PPWD1: variants seen among roughly 807,000 people sequenced by gnomAD.
PPWD1 encodes peptidylprolyl isomerase domain and WD repeat-containing protein 1.
PPWD1 carries 43 observed loss-of-function variants against 68.8 expected under a neutral mutation model. The observed-to-expected ratio is 0.62, with a 90% confidence interval of 0.49 to 0.81. PPWD1 has a LOEUF of 0.81. Among genes scored for constraint, PPWD1 ranks in the 30% least tolerant of loss-of-function variants. The pLI, the probability that PPWD1 is intolerant of heterozygous loss-of-function variation, is 0.00. For synonymous variants in PPWD1, 232 were observed against 258.7 expected, an observed-to-expected ratio of 0.90 and a Z score of 0.99; for missense variants, 672 against 804.8, an observed-to-expected ratio of 0.83 and a Z score of 2.00.
chr5:65,576,834 G>A (rs1367918440), intron 5 of PPWD1, 45 bp from the exon 6 acceptor site: 3 of 1,581,324 alleles, frequency 1.9e-6, no homozygotes, highest in Non-Finnish European at 2.6e-6. Flanking sequence ...ATAGATATAG[G>A]TATATGTATA....
chr5:65,573,451 C>G (rs1397274037), intron 5 of PPWD1, among the ~76,000 whole-genome samples: 2 of 101,584 alleles, frequency 2.0e-5, no homozygotes, highest in African/African-American at 8.2e-5. Flanking sequence ...TGCCACCACA[C>G]TTAGCTAATA....
intron 9 of PPWD1, among the ~76,000 whole-genome samples, chr5:65,585,354 G>C (rs27139): frequency 1.3e-5 from 2 of 151,888 alleles, no homozygotes; most frequent in African/African-American, 4.8e-5. Flanking sequence ...ATGAATAAAG[G>C]GTCATGCTGA....
intron 7 of PPWD1, chr5:65,582,464 ATAG>A: frequency 6.6e-6 from 1 of 152,200 alleles, no homozygotes; most frequent in East Asian, 1.9e-4. Context: ...GGTCCTGCTC[ATAG>A]TAGTAATAAC....
intron 1 of PPWD1, 178 bp downstream of exon 1, chr5:65,563,684 T>C: frequency 1.5e-6 from 2 of 1,348,740 alleles, no homozygotes; most frequent in African/African-American, 1.5e-5. Flanking sequence ...GATTTAAGCG[T>C]AGTACAACGT....
At chr5:65,578,405 A>G (rs181209608) in intron 6 of PPWD1, among the ~76,000 whole-genome samples, 1 of 152,342 alleles carries the variant, frequency 6.6e-6, no homozygotes. Context: ...GTTTTGTAAC[A>G]GCCAAACTGC....
At chr5:65,563,899 T>G in intron 1 of PPWD1, 4 of 1,419,108 alleles carry the variant, frequency 2.8e-6, no homozygotes, top group Non-Finnish European at 1.9e-6. Flanking sequence ...GTTAATGTAT[T>G]AATGTGTTGG....
chr5:65,573,473 AT>A lies in PPWD1; in HGVS notation c.969+1188del, dbSNP rs1561725641. On this transcript the variant is annotated intron_variant, in intron 5 of 10. Transcript: ENST00000261308. Reference sequence around the variant, plus strand: ...ACACTTAGCTAATATATATATATATATATTTTTTTTTTATTAGAGATGGGTT... The same window carrying A: ...ACACTTAGCTAATATATATATATATAATTTTTTTTTTATTAGAGATGGGTT... Among the ~76,000 whole-genome samples the A allele has an allele frequency of 1.2e-3, 50 of 42,856 alleles. 5 individuals carry two copies. Among genetic ancestry groups the A allele is most frequent in the Non-Finnish European group, 1.7e-3 (37 of 21,394 alleles). The allele number at this position is 42,856 out of a possible 152,430, so 28.1% of individuals were successfully genotyped here.
At chr5:65,571,349 TTTAG>T (rs1325335037) in intron 4 of PPWD1, among the ~76,000 whole-genome samples, 8 of 152,214 alleles carry the variant, frequency 5.3e-5, no homozygotes, top group Non-Finnish European at 8.8e-5. Context: ...AATATCAAGA[TTTAG>T]TTAGTAATGA....
intron 5 of PPWD1, chr5:65,576,290 T>A: frequency 1.0e-6 from 1 of 982,708 alleles, no homozygotes; most frequent in South Asian, 4.7e-5. Context: ...GCAGCAGATG[T>A]ATTCTGTAGA....
In PPWD1 at chr5:65,563,513, G is replaced by T; in HGVS notation, c.196+7G>T. ...CTGGCCAAGAAGAGGAAAGGTAGCT[G>T]CAGACATAGTACCGGGACGAATTGG... On this transcript the variant is annotated splice_region_variant and intron_variant, in intron 1 of 10. Transcript: ENST00000261308. 6.2e-7 allele frequency: 1 copy of T among 1,608,268 alleles called. No homozygotes were observed. The highest frequency in any genetic ancestry group is 1.1e-5 in the South Asian group (1 of 90,220).
At chr5:65,566,302 G>C (rs1032768094) in intron 1 of PPWD1, among the ~76,000 whole-genome samples, 12 of 152,164 alleles carry the variant, frequency 7.9e-5, no homozygotes, top group Non-Finnish European at 1.8e-4. Context: ...GCTCTCTCCA[G>C]CTTTCTGCCC....
At chr5:65,581,570 A>G (rs1452775758) in intron 7 of PPWD1, among the ~76,000 whole-genome samples, 1 of 152,240 alleles carries the variant, frequency 6.6e-6, no homozygotes, top group African/African-American at 2.4e-5. Context: ...TAGGTGACAG[A>G]GCAAGACCCT....
chr5:65,586,976 G>C (rs779180652), intron 10 of PPWD1, among the ~76,000 whole-genome samples: 1 of 152,102 alleles, frequency 6.6e-6, no homozygotes, highest in Non-Finnish European at 1.5e-5. Flanking sequence ...TAAGCCATGT[G>C]AAGTAACTTA....
chr5:65,583,303 C>T (rs994033906), intron 8 of PPWD1, 84 bp downstream of exon 8: 83 of 1,276,846 alleles, frequency 6.5e-5, no homozygotes, highest in Non-Finnish European at 8.4e-5. Flanking sequence ...ACTTAAAATT[C>T]CCGTTACTTT....
In PPWD1 at chr5:65,587,303, G is replaced by C; in HGVS notation, c.1848G>C (p.Met616Ile). ...TATTTGGACGAGTGACTAAAGGAAT[G>C]GAAGTTGTACAGAGGATCTCCAACG... ...HTVFGRVTKG[M>I]EVVQRISNVK... Residue 616 changes from methionine to isoleucine, a missense_variant, in exon 11 of 11, where the codon ATG becomes ATC. By Grantham distance (10) the Met-to-Ile change is conservative. Around this residue, in one of 2 missense-constraint regions of PPWD1, gnomAD observed 484 missense variants for 646.2 expected, o/e 0.75. Transcript: ENST00000261308. 6.2e-7 allele frequency: 1 copy of C among 1,612,448 alleles called. No homozygotes were observed. Among genetic ancestry groups the C allele is most frequent in the Admixed American group, 1.7e-5 (1 of 59,942 alleles).
Position 65,579,594 on chromosome 5 carries a change from A to G in PPWD1, c.1331A>G (p.Lys444Arg), listed in dbSNP as rs1301037028. The stretch of plus-strand genomic sequence containing the variant: ...CCAACAATAGTCTGTACATCATTCA[A>G]AAAGAATAGATTTTATATGGTATGT... ...ADPTIVCTSF[K>R]KNRFYMFTKR... Residue 444 changes from lysine to arginine, a missense_variant, in exon 7 of 11, where the codon AAA (lysine) becomes AGA (arginine). By Grantham distance (26) the Lys-to-Arg change is conservative. This residue lies in a region of PPWD1 where 484 missense variants were observed against 646.2 expected (regional missense o/e 0.75). Transcript: ENST00000261308. 1.9e-6 allele frequency: 3 copies of G among 1,573,510 alleles called. No individual in the cohort carries two copies. Among genetic ancestry groups the G allele is most frequent in the Non-Finnish European group, 2.6e-6 (3 of 1,164,398 alleles).
chr5:65,563,724 A>T, intron 1 of PPWD1: 1 of 1,420,138 alleles, frequency 7.0e-7, no homozygotes, highest in Non-Finnish European at 9.6e-7. Context: ...ACTTTTGATC[A>T]TTGATTTGTT....
rs375988025 is a variant in PPWD1, at chr5:65,580,072, AT to A, written c.1350+469del. ...CCTTGGAATTATATATTCCTGTGGA[AT>A]TTTTTTTTTCTCTTCTGGAGAACTA... On this transcript the variant is annotated intron_variant, in intron 7 of 10. Coordinates refer to ENST00000261308, the MANE Select transcript of PPWD1 (RefSeq NM_015342.4). 5.3e-5 allele frequency among the ~76,000 whole-genome samples: 8 copies of A among 150,214 alleles called. 1 individual carries two copies. Among genetic ancestry groups the A allele is most frequent in the Non-Finnish European group, 7.4e-5 (5 of 67,478 alleles).
chr5:65,583,383 G>A, intron 8 of PPWD1, 164 bp downstream of exon 8: 1 of 768,838 alleles, frequency 1.3e-6, no homozygotes, highest in Non-Finnish European at 1.9e-6. Flanking sequence ...AAGTGTTACG[G>A]TAGAAAATGG....
Sources: allele counts gnomAD v4.1 joint callset (sites outside exome capture counted in the v4.1 genomes callset), GRCh38; gene constraint gnomAD v4.1.1; regional missense constraint gnomAD v4.1.1; transcripts MANE v1.5; gene names NCBI Gene and HGNC (gene_info 2026-07-23, HGNC 2026-07-21).